Variants in KCTD16 observed in about 807,000 individuals in gnomAD.
KCTD16 encodes the protein potassium channel tetramerization domain containing 16.
In KCTD16, 13 loss-of-function variants were observed where a neutral mutation model predicts 33.2. The ratio of observed to expected loss-of-function variants is 0.39; its 90% confidence interval spans 0.25 to 0.62. The LOEUF (loss-of-function observed/expected upper bound fraction) is 0.62, where lower values mean the gene tolerates loss of function less well. KCTD16 is among the 20% of genes least tolerant of loss of function. The pLI is 0.50. For missense variants in KCTD16, 441 were observed against 525.1 expected (o/e 0.84, Z 1.57); for synonymous variants, 197 against 195.3 (o/e 1.01, Z -0.07).
At chr5:144,410,932 G>T (rs1752918506) in intron 3 of KCTD16, among the ~76,000 whole-genome samples, 1 of 152,046 alleles carries the variant, frequency 6.6e-6, no homozygotes, top group Non-Finnish European at 1.5e-5. Context: ...ATATGTTAAA[G>T]TCCTAACCCC....
rs1327025407 is a variant in KCTD16 at position 144,475,900 on chromosome 5, C to G, written c.*1786C>G. The G allele has an allele frequency of 6.6e-6, 1 of 152,144 alleles. No homozygotes were observed. The highest frequency in any genetic ancestry group is 1.5e-5 in the Non-Finnish European group (1 of 68,026). 9.4% of individuals were successfully genotyped at this position (152,144 alleles called of 1,614,324 possible). Reference sequence around the variant, plus strand: ...GGATGACAGACTCAGCTAATGTTTCCTTGTCCTGAAGGTTTGAATGGAGTT... The same window carrying G: ...GGATGACAGACTCAGCTAATGTTTCGTTGTCCTGAAGGTTTGAATGGAGTT... On this transcript the variant is annotated 3_prime_UTR_variant, in exon 4 of 4. Coordinates refer to ENST00000512467, the MANE Select transcript of KCTD16 (RefSeq NM_020768.4).
chr5:144,366,233 G>A (rs1413924731), intron 3 of KCTD16, among the ~76,000 whole-genome samples: 1 of 152,106 alleles, frequency 6.6e-6, no homozygotes, highest in Non-Finnish European at 1.5e-5. Flanking sequence ...GATAACACCT[G>A]CAATCTCAAG....
intron 3 of KCTD16, among the ~76,000 whole-genome samples, chr5:144,398,611 A>C (rs2126944248): frequency 6.6e-6 from 1 of 152,160 alleles, no homozygotes; most frequent in South Asian, 2.1e-4. Context: ...ACAAGTTTTG[A>C]AGCTTGGCTA....
In KCTD16 at chr5:144,323,423, G is replaced by T. The variant is rs542055099; in HGVS notation, c.832+115877G>T. ...AATTGGTAGGAAGCCAGGAAAGGCT[G>T]GGAGAACATTAGATCATGATACAAA... On this transcript the variant is annotated intron_variant, in intron 3 of 3. Coordinates refer to ENST00000512467, the MANE Select transcript of KCTD16 (RefSeq NM_020768.4). 7.9e-4 allele frequency among the ~76,000 whole-genome samples: 120 copies of T among 152,282 alleles called. 1 individual carries two copies. Among genetic ancestry groups the T allele is most frequent in the African/African-American group, 2.8e-3 (118 of 41,566 alleles).
At position 144,380,148 on chromosome 5, in the gene KCTD16, G is replaced by T. The variant is rs188270949; in HGVS notation, c.833-93512G>T. On this transcript the variant is annotated intron_variant, in intron 3 of 3. Transcript: ENST00000512467. ...ATAAATAACTTTGGTAAAGTTTCAGGCTACAAAATAAATATACAAAAATCA... is the reference window on the plus strand; with the variant it reads ...ATAAATAACTTTGGTAAAGTTTCAGTCTACAAAATAAATATACAAAAATCA... Among the ~76,000 whole-genome samples, 9 of 152,102 alleles carry T rather than the reference G, an allele frequency of 5.9e-5. No homozygotes were observed. The East Asian group carries it at 1.7e-3, about 29-fold the overall frequency.
chr5:144,413,746 G>A (rs1280517481), intron 3 of KCTD16, among the ~76,000 whole-genome samples: 3 of 152,170 alleles, frequency 2.0e-5, no homozygotes, highest in Non-Finnish European at 1.5e-5. Context: ...TGAGTTCAAT[G>A]TACAATGCAT....
intron 3 of KCTD16, among the ~76,000 whole-genome samples, chr5:144,278,652 C>T (rs958724353): frequency 4.0e-5 from 6 of 151,510 alleles, no homozygotes; most frequent in South Asian, 2.1e-4. Context: ...CGCCCGCCAC[C>T]GCGCCCGGCT....
In KCTD16 at chr5:144,478,175, C is replaced by T. The variant is rs578173197; in HGVS notation, c.*4061C>T. ...ACACTAGAGAAAGAACCAGAGTGAA[C>T]ATTCTGTATCCTGAGTTACAATGGA... is the stretch of plus-strand genomic sequence containing the variant. On this transcript the variant is annotated 3_prime_UTR_variant, in exon 4 of 4. Coordinates refer to ENST00000512467, the MANE Select transcript of KCTD16 (RefSeq NM_020768.4). 6.6e-6 allele frequency: 1 copy of T among 151,954 alleles called. No individual in the cohort carries two copies. The highest frequency in any genetic ancestry group is 1.5e-5 in the Non-Finnish European group (1 of 67,944). 9.4% of individuals were successfully genotyped at this position (151,954 alleles called of 1,614,324 possible).
At chr5:144,357,276 T>TC (rs1168858372) in intron 3 of KCTD16, among the ~76,000 whole-genome samples, 1 of 152,182 alleles carries the variant, frequency 6.6e-6, no homozygotes, top group East Asian at 1.9e-4. Flanking sequence ...AGCCTATTGC[T>TC]CCATGTGCAG....
At chr5:144,367,755 G>A (rs1751871358) in intron 3 of KCTD16, among the ~76,000 whole-genome samples, 1 of 149,512 alleles carries the variant, frequency 6.7e-6, no homozygotes, top group African/African-American at 2.5e-5. Context: ...TTGTTACAAA[G>A]ATACATTGTG....
chr5:144,246,572 G>A (rs191397334), intron 3 of KCTD16, among the ~76,000 whole-genome samples: 1 of 152,228 alleles, frequency 6.6e-6, no homozygotes, highest in East Asian at 1.9e-4. Context: ...TAACTTAGGA[G>A]AAACTGGATA....
chr5:144,365,730 G>C (rs1751818169), intron 3 of KCTD16, among the ~76,000 whole-genome samples: 1 of 152,158 alleles, frequency 6.6e-6, no homozygotes, highest in African/African-American at 2.4e-5. Context: ...GCAATCAATG[G>C]ACAACTCAGT....
chr5:144,418,624 G>A (rs542249562), intron 3 of KCTD16, among the ~76,000 whole-genome samples: 1 of 152,184 alleles, frequency 6.6e-6, no homozygotes, highest in East Asian at 1.9e-4. Flanking sequence ...TTAGCCTTAG[G>A]TATATGGGTT....
At chr5:144,457,478 T>C (rs574169603) in intron 3 of KCTD16, among the ~76,000 whole-genome samples, 2 of 152,184 alleles carry the variant, frequency 1.3e-5, no homozygotes, top group Non-Finnish European at 2.9e-5. Flanking sequence ...AGGAGGGGGA[T>C]TGGAAGGGCA....
At chr5:144,328,614 CATCTATGTGTAA>C (rs1450319080) in intron 3 of KCTD16, among the ~76,000 whole-genome samples, 1 of 151,602 alleles carries the variant, frequency 6.6e-6, no homozygotes, top group Non-Finnish European at 1.5e-5. Flanking sequence ...TGCATTACAT[CATCTATGTGTAA>C]ACTAACTGTG....
intron 2 of KCTD16, among the ~76,000 whole-genome samples, chr5:144,193,875 G>A (rs1752891265): frequency 6.6e-6 from 1 of 152,126 alleles, no homozygotes; most frequent in South Asian, 2.1e-4. Context: ...CAATGGAAAG[G>A]GAGGGATCAG....
intron 3 of KCTD16, among the ~76,000 whole-genome samples, chr5:144,215,285 C>G (rs1753528064): frequency 6.6e-6 from 1 of 152,034 alleles, no homozygotes; most frequent in Admixed American, 6.6e-5. Flanking sequence ...CTGGATGTGA[C>G]CAGGGTTTAA....
At chr5:144,211,297 A>T (rs1287276632) in intron 3 of KCTD16, among the ~76,000 whole-genome samples, 1 of 152,174 alleles carries the variant, frequency 6.6e-6, no homozygotes, top group Non-Finnish European at 1.5e-5. Context: ...ATAAGAAAAC[A>T]GGTGGAAATG....
chr5:144,229,301 A>AG (rs1754028747), intron 3 of KCTD16, among the ~76,000 whole-genome samples: 1 of 152,196 alleles, frequency 6.6e-6, no homozygotes, highest in African/African-American at 2.4e-5. Context: ...GAAAAGATAT[A>AG]GGACCAATGG....
Sources: allele counts gnomAD v4.1 joint callset (sites outside exome capture counted in the v4.1 genomes callset), GRCh38; gene constraint gnomAD v4.1.1; transcripts MANE v1.5; gene names NCBI Gene and HGNC (gene_info 2026-07-23, HGNC 2026-07-21).